Variants in FANCB observed in about 807,000 individuals in gnomAD.
FANCB encodes Fanconi anemia group B protein.
In FANCB, 5 loss-of-function variants were observed where a neutral mutation model predicts 38.9. That is an observed-to-expected ratio of 0.13 (90% CI 0.07 to 0.27). The LOEUF (loss-of-function observed/expected upper bound fraction) is 0.27. Among genes scored for constraint, FANCB ranks in the 10% least tolerant of loss-of-function variants. The pLI is 1.00. For synonymous variants in FANCB, 236 were observed against 215.4 expected (o/e 1.10, Z -0.84); for missense variants, 573 against 602.7 (o/e 0.95, Z 0.52).
downstream of FANCB, chrX:14,834,442 A>T (rs2147372606): frequency 2.2e-6 from 1 of 452,821 alleles, no homozygotes; most frequent in Admixed American, 2.6e-5. Context: ...AAGATGGAAA[A>T]TTTTTAATAA....
At chrX:14,820,782 A>T in the FANCB span, among the ~76,000 whole-genome samples, 1 of 111,871 alleles carries the variant, frequency 8.9e-6, no homozygotes, top group East Asian at 2.8e-4. Flanking sequence ...TATTTTTGTT[A>T]TTAAAATGCA....
At chrX:14,739,759 G>A in the FANCB span, among the ~76,000 whole-genome samples, 1 of 111,851 alleles carries the variant, frequency 8.9e-6, no homozygotes, top group Non-Finnish European at 1.9e-5. Context: ...GCTCCCACAT[G>A]AGAAAAGAGG....
At position 14,844,458 on chromosome X, in the gene FANCB, TACACACTCAC is replaced by T. The variant is rs774837241; in HGVS notation, c.2165+35_2165+44del. 3.2e-6 allele frequency: 3 copies of T among 929,262 alleles called. No homozygotes were observed. The Admixed American group carries it at 6.6e-5, about 20-fold the overall frequency. 76.6% of individuals were successfully genotyped at this position (929,262 alleles called of 1,213,427 possible). On this transcript the variant is annotated intron_variant, in intron 9 of 9. Coordinates refer to ENST00000650831, the MANE Select transcript of FANCB (RefSeq NM_001018113.3). The stretch of plus-strand genomic sequence containing the variant: ...TTGAACCACACATTGATCACACTCA[TACACACTCAC>T]TTCTCTGGACCAATTACAATTTAAT...
In FANCB at chrX:14,865,949, AC is replaced by A. The variant is rs756657225; in HGVS notation, c.-70-370del. ...CCTAACAACTCTAATGTGGTTTCCC[AC>A]TCTCTGCCTTAGCCCCTTTAGAATG... On this transcript the variant is annotated intron_variant, in intron 2 of 9. Coordinates refer to ENST00000650831, the MANE Select transcript of FANCB (RefSeq NM_001018113.3). 8.7e-3 allele frequency among the ~76,000 whole-genome samples: 966 copies of A among 111,441 alleles called. 1 individual carries two copies. Among genetic ancestry groups the A allele is most frequent in the Non-Finnish European group, 0.014 (741 of 52,917 alleles).
the FANCB span, among the ~76,000 whole-genome samples, chrX:14,699,173 T>C: frequency 8.9e-6 from 1 of 112,212 alleles, no homozygotes; most frequent in Non-Finnish European, 1.9e-5. Flanking sequence ...TTATCGCCTC[T>C]GCTCCAATAA....
At chrX:14,867,667 G>A (rs961234253) in intron 2 of FANCB, among the ~76,000 whole-genome samples, 1 of 108,486 alleles carries the variant, frequency 9.2e-6, no homozygotes, top group Non-Finnish European at 1.9e-5. Context: ...ATTGGGCTGG[G>A]CAAGGATTTT....
the FANCB span, among the ~76,000 whole-genome samples, chrX:14,742,822 C>T: frequency 1.8e-5 from 2 of 112,541 alleles, no homozygotes; most frequent in Non-Finnish European, 3.8e-5. Flanking sequence ...TTTTGACCTA[C>T]TACAGAAAGG....
chrX:14,735,385 T>C, the FANCB span, among the ~76,000 whole-genome samples: 1 of 111,919 alleles, frequency 8.9e-6, no homozygotes, highest in Non-Finnish European at 1.9e-5. Flanking sequence ...ACCTTTGGTC[T>C]TTGATGTTGG....
the FANCB span, among the ~76,000 whole-genome samples, chrX:14,815,331 TG>T: frequency 1.0e-5 from 1 of 97,124 alleles, no homozygotes; most frequent in Non-Finnish European, 2.1e-5. Flanking sequence ...TAAAAAAAAG[TG>T]GGGGGGAAGA....
the FANCB span, among the ~76,000 whole-genome samples, chrX:14,765,064 T>A: frequency 2.7e-5 from 3 of 112,337 alleles, no homozygotes; most frequent in East Asian, 8.4e-4. Context: ...GACATACTTA[T>A]ATTACAAAAT....
chrX:14,707,016 A>ATTGAT, the FANCB span, among the ~76,000 whole-genome samples: 115 of 101,811 alleles, frequency 1.1e-3, 2 homozygotes, highest in Middle Eastern at 0.036. Context: ...TTTAGGGCAG[A>ATTGAT]TTGATTAAAA....
chrX:14,867,776 A>G (rs1453511213), intron 2 of FANCB, among the ~76,000 whole-genome samples: 2 of 110,833 alleles, frequency 1.8e-5, no homozygotes, highest in Non-Finnish European at 3.8e-5. Context: ...AAAAAAAAAA[A>G]AGTAAAGAGA....
chrX:14,723,988 G>A, the FANCB span, among the ~76,000 whole-genome samples: 2 of 111,493 alleles, frequency 1.8e-5, no homozygotes, highest in East Asian at 2.8e-4. Context: ...CTGGATCCCC[G>A]GCACATAGCA....
At chrX:14,733,137 C>T in the FANCB span, among the ~76,000 whole-genome samples, 1 of 111,866 alleles carries the variant, frequency 8.9e-6, no homozygotes, top group African/African-American at 3.3e-5. Flanking sequence ...ATCCTTTCCC[C>T]ATTTCTTGTT....
the FANCB span, among the ~76,000 whole-genome samples, chrX:14,737,529 C>G: frequency 8.9e-6 from 1 of 112,032 alleles, no homozygotes; most frequent in Non-Finnish European, 1.9e-5. Flanking sequence ...GATAGGGAGA[C>G]TAGCTCAGCC....
the FANCB span, among the ~76,000 whole-genome samples, chrX:14,696,809 C>G: frequency 2.4e-3 from 264 of 112,042 alleles, 3 homozygotes; most frequent in African/African-American, 7.8e-3. Context: ...TTGGCAGTTA[C>G]AATCCCTGCT....
the FANCB span, among the ~76,000 whole-genome samples, chrX:14,813,681 C>CA: frequency 9.0e-6 from 1 of 110,999 alleles, no homozygotes; most frequent in Admixed American, 9.6e-5. Flanking sequence ...AAAGAGGACA[C>CA]AAAAAAATGG....
chrX:14,742,433 G>A, the FANCB span, among the ~76,000 whole-genome samples: 3 of 111,684 alleles, frequency 2.7e-5, no homozygotes, highest in African/African-American at 9.8e-5. Flanking sequence ...TCTGTCTTTG[G>A]TTTGCTGAGT....
chrX:14,862,885 T>G (rs1188697263), intron 3 of FANCB, among the ~76,000 whole-genome samples: 2 of 112,085 alleles, frequency 1.8e-5, no homozygotes, highest in East Asian at 5.6e-4. Flanking sequence ...TCTATTATAT[T>G]ACCTTGACTA....
Sources: gnomAD v4.1 joint callset for allele counts (sites outside exome capture counted in the v4.1 genomes callset) on GRCh38, gnomAD v4.1.1 for gene constraint, MANE v1.5 for transcripts, NCBI Gene and HGNC (gene_info 2026-07-23, HGNC 2026-07-21) for gene names.